Variants in LAMP5 observed in about 807,000 individuals in gnomAD.
LAMP5 encodes lysosome-associated membrane glycoprotein 5.
Under a neutral mutation model 30.2 loss-of-function variants are expected in LAMP5, and 36 were observed. The ratio of observed to expected loss-of-function variants is 1.19; its 90% CI spans 0.91 to 1.57. The LOEUF is 1.57. LAMP5 is among the 40% of genes most tolerant of loss of function. The probability of loss-of-function intolerance (pLI) is 0.00; values close to 1 mark genes in which losing one functional copy is unlikely to be tolerated. For synonymous variants in LAMP5, 149 were observed against 134.6 expected (o/e 1.11, Z -0.74); for missense variants, 377 against 354.9 (o/e 1.06, Z -0.50).
chr20:9,518,050 C>G lies in LAMP5; in HGVS notation c.486C>G (p.His162Gln). Residue 162 changes from histidine to glutamine, a missense_variant, in exon 5 of 6, where the codon CAC (histidine) becomes CAG (glutamine). By Grantham distance (24) the His-to-Gln change is conservative. Transcript: ENST00000246070. Reference sequence around the variant, plus strand: ...GGGCTCTTGCTGTAGCTGGGAAGCACACAGCCAACTCGCACCACCTCTCTG... The same window carrying G: ...GGGCTCTTGCTGTAGCTGGGAAGCAGACAGCCAACTCGCACCACCTCTCTG... ...HFKDAVSAGK[H>Q]TANSHHLSAL... 1.2e-6 allele frequency: 2 copies of G among 1,613,432 alleles called. No individual in the cohort carries two copies. The highest frequency in any genetic ancestry group is 1.7e-6 in the Non-Finnish European group (2 of 1,179,916).
chr20:9,527,572 T>C (rs1182383833), intron 5 of LAMP5, among the ~76,000 whole-genome samples: 1 of 152,216 alleles, frequency 6.6e-6, no homozygotes, highest in Non-Finnish European at 1.5e-5. Context: ...AGGTACTTAA[T>C]AAATGTTTAC....
chr20:9,521,210 T>G (rs2122838482), intron 5 of LAMP5, among the ~76,000 whole-genome samples: 1 of 152,110 alleles, frequency 6.6e-6, no homozygotes, highest in South Asian at 2.1e-4. Context: ...GCAGAGGGGC[T>G]TTGGAGAGGG....
chr20:9,516,111 C>A lies in LAMP5; in HGVS notation c.349C>A (p.Leu117Ile). ...QVFWVDRAYALKMLFVKESHN... is the reference protein window; with the variant it reads ...QVFWVDRAYAIKMLFVKESHN... Reference sequence around the variant, plus strand: ...GTTCTGGGTGGATCGCGCATATGCACTCAAAATGCTCTTTGTAAAGGTAAC... The same window carrying A: ...GTTCTGGGTGGATCGCGCATATGCAATCAAAATGCTCTTTGTAAAGGTAAC... The change falls in exon 3 of 6, where the codon CTC becomes ATC. Residue 117 changes from leucine to isoleucine, a missense_variant. Transcript: ENST00000246070. 1 of 1,551,300 alleles carries A rather than the reference C, an allele frequency of 6.4e-7. No homozygotes were observed.
At chr20:9,523,227 A>T (rs1300663125) in intron 5 of LAMP5, among the ~76,000 whole-genome samples, 2 of 152,144 alleles carry the variant, frequency 1.3e-5, no homozygotes, top group Non-Finnish European at 2.9e-5. Context: ...CACAGGGAAC[A>T]TATGGAAAGA....
chr20:9,519,052 C>T (rs1295906019), intron 5 of LAMP5, among the ~76,000 whole-genome samples: 1 of 152,190 alleles, frequency 6.6e-6, no homozygotes, highest in Non-Finnish European at 1.5e-5. Flanking sequence ...CATCTCAGCA[C>T]CCCTGCAGAG....
Position 9,515,492 on chromosome 20 carries a change from A to G in LAMP5, c.104A>G (p.Asn35Ser). ...ATCATGGCAGAACAAGAAGTGGAAA[A>G]TCTCTCAGGCCTTTCCACTAACCCT... ...AQIMAEQEVENLSGLSTNPEK... is the reference protein window; with the variant it reads ...AQIMAEQEVESLSGLSTNPEK... Residue 35 changes from asparagine (N) to serine (S), a missense_variant, in exon 2 of 6, where the codon AAT becomes AGT. Transcript: ENST00000246070. 2 of 1,614,060 alleles carry G rather than the reference A, an allele frequency of 1.2e-6. No individual in the cohort carries two copies. The highest frequency in any genetic ancestry group is 1.3e-5 in the African/African-American group (1 of 75,020).
chr20:9,518,397 G>A (rs1212315450), intron 5 of LAMP5, among the ~76,000 whole-genome samples, 169 bp downstream of exon 5: 1 of 152,188 alleles, frequency 6.6e-6, no homozygotes, highest in Non-Finnish European at 1.5e-5. Context: ...TAAGCTGAAT[G>A]TATGAACTTA....
intron 5 of LAMP5, among the ~76,000 whole-genome samples, chr20:9,518,975 A>G (rs2045061958): frequency 6.6e-6 from 1 of 152,228 alleles, no homozygotes; most frequent in Admixed American, 6.5e-5. Context: ...GCTGTCTCTC[A>G]GTCTGTTTAG....
chr20:9,525,993 C>G (rs1012128647), intron 5 of LAMP5, among the ~76,000 whole-genome samples: 4 of 152,136 alleles, frequency 2.6e-5, no homozygotes, highest in Admixed American at 1.3e-4. Flanking sequence ...TGAGCTAAAA[C>G]CATGGTCTAC....
chr20:9,523,152 C>A (rs1198908937), intron 5 of LAMP5, among the ~76,000 whole-genome samples: 3 of 152,136 alleles, frequency 2.0e-5, no homozygotes, highest in South Asian at 2.1e-4. Context: ...CCAAAGCCCA[C>A]TCATCTTAAC....
intron 5 of LAMP5, among the ~76,000 whole-genome samples, chr20:9,524,568 ATCCC>A (rs1311010669): frequency 6.9e-6 from 1 of 145,054 alleles, no homozygotes; most frequent in Non-Finnish European, 1.5e-5. Context: ...TGGGTTCATA[ATCCC>A]TCATCTAAAA....
chr20:9,529,775 G>A lies in LAMP5; in HGVS notation c.798G>A (p.Gln266=). The change falls in exon 6 of 6, where the codon CAG becomes CAA. Residue 266 remains glutamine (Q), a synonymous_variant. Coordinates refer to ENST00000246070, the MANE Select transcript of LAMP5 (RefSeq NM_012261.4). ...YHVHHKMTAN[Q]VQIPRDRSQY... ...TCCACCACAAAATGACTGCCAACCA[G>A]GTGCAGATCCCTCGGGACAGATCCC... 2 of 1,614,194 alleles carry A rather than the reference G, an allele frequency of 1.2e-6. No individual in the cohort carries two copies. The highest frequency in any genetic ancestry group is 1.7e-6 in the Non-Finnish European group (2 of 1,180,044).
intron 5 of LAMP5, among the ~76,000 whole-genome samples, chr20:9,521,952 T>A (rs146930830): frequency 6.6e-6 from 1 of 152,156 alleles, no homozygotes; most frequent in East Asian, 1.9e-4. Context: ...GGGGCAAACA[T>A]AACAAAACAA....
intron 5 of LAMP5, among the ~76,000 whole-genome samples, chr20:9,526,527 G>A (rs2045113490): frequency 1.3e-5 from 2 of 152,156 alleles, no homozygotes; most frequent in Non-Finnish European, 2.9e-5. Flanking sequence ...CCGCCATGCT[G>A]GCATCATGAA....
At chr20:9,515,681 C>T in intron 2 of LAMP5, 56 bp downstream of exon 2, 3 of 1,578,848 alleles carry the variant, frequency 1.9e-6, no homozygotes, top group South Asian at 1.1e-5. Flanking sequence ...GCGAAGGGCA[C>T]CCTTCCTCAA....
In LAMP5 at chr20:9,518,222, A is replaced by G; in HGVS notation, c.658A>G (p.Ser220Gly). 2.5e-6 allele frequency: 4 copies of G among 1,614,048 alleles called. No individual in the cohort carries two copies. Among genetic ancestry groups the G allele is most frequent in the East Asian group, 4.5e-5 (2 of 44,872 alleles). Residue 220 changes from serine (S) to glycine (G), a missense_variant, in exon 5 of 6, where the codon AGT (serine) becomes GGT (glycine). Transcript: ENST00000246070. Reference protein sequence around the residue: ...PFDIISDFVFSEEHKCPVDER... With the variant: ...PFDIISDFVFGEEHKCPVDER... ...TGACATTATCTCAGATTTTGTCTTC[A>G]GTGAAGGTAAGTTGTTGGGGGATGG...
rs1346882992 is a variant in LAMP5, at chr20:9,516,133, T to A, written c.369+2T>A. The A allele has an allele frequency of 1.1e-5, 17 of 1,565,816 alleles. No individual in the cohort carries two copies. Among genetic ancestry groups the A allele is most frequent in the Non-Finnish European group, 1.5e-5 (17 of 1,158,178 alleles). ...GCACTCAAAATGCTCTTTGTAAAGG[T>A]AACTCCGAGCCCAGCGGGCAGAGGG... On this transcript the variant is annotated splice_donor_variant, in intron 3 of 5. Transcript: ENST00000246070. LOFTEE classifies it high-confidence loss of function.
chr20:9,523,841 G>C (rs1038250079), intron 5 of LAMP5, among the ~76,000 whole-genome samples: 3 of 152,200 alleles, frequency 2.0e-5, no homozygotes, highest in African/African-American at 4.8e-5. Context: ...GGCCTTCCTT[G>C]TTTTGTAATC....
rs1428431206 is a variant in LAMP5 at position 9,517,937 on chromosome 20, G to A, written c.476-103G>A. 6.2e-6 allele frequency: 6 copies of A among 968,568 alleles called. No individual in the cohort carries two copies. In the Admixed American group the frequency reaches 6.6e-5, roughly 11 times the overall value. The allele number at this position is 968,568 out of a possible 1,614,324, so 60.0% of individuals were successfully genotyped here. A position where few individuals can be genotyped will look rare whatever the true frequency, so the allele number is the denominator to read the frequency against. On this transcript the variant is annotated intron_variant, in intron 4 of 5. Transcript: ENST00000246070. ...CCCTGGCAAGGGAACAGAGAGGACA[G>A]GAGGGGTGTGGTGTCTGGAACTGAG...
Sources: gnomAD v4.1 joint callset for allele counts (sites outside exome capture counted in the v4.1 genomes callset) on GRCh38, gnomAD v4.1.1 for gene constraint, MANE v1.5 for transcripts, NCBI Gene and HGNC (gene_info 2026-07-23, HGNC 2026-07-21) for gene names.